The following STAT6 variants were observed in gnomAD, a reference collection of about 807,000 sequenced individuals.
STAT6 encodes the protein STAT, interleukin4-induced.
A neutral mutation model predicts 106.3 loss-of-function variants in STAT6; 45 were observed. That is an observed-to-expected ratio of 0.42 (90% CI 0.33 to 0.54). STAT6 has a LOEUF of 0.54. Among genes scored for constraint, STAT6 ranks in the 20% least tolerant of loss-of-function variants. The probability of loss-of-function intolerance (pLI) is 0.06; values close to 1 mark genes in which losing one functional copy is unlikely to be tolerated. For synonymous variants in STAT6, 413 were observed against 413.6 expected, an observed-to-expected ratio of 1.00 and a Z score of 0.02; for missense variants, 797 against 1,062.2, an observed-to-expected ratio of 0.75 and a Z score of 3.47.
In STAT6 at chr12:57,107,235, T is replaced by C; in HGVS notation, c.335A>G (p.Glu112Gly). ...ILQGEKKAVMEQFRHLPMPFH... is the reference protein window; with the variant it reads ...ILQGEKKAVMGQFRHLPMPFH... The stretch of plus-strand genomic sequence containing the variant: ...GGAGGTGGAATATCACAATACCTGT[T>C]CCATAACAGCTTTTTTCTCTCCTTG... The change falls in exon 4 of 22, where the codon GAA (glutamate) becomes GGA (glycine). Residue 112 changes from glutamate to glycine, a missense_variant. By Grantham distance (98) the Glu-to-Gly change is moderately conservative (BLOSUM62 -2). Transcript: ENST00000300134. The C allele has an allele frequency of 6.2e-7, 1 of 1,614,126 alleles. No individual in the cohort carries two copies. The highest frequency in any genetic ancestry group is 8.5e-7 in the Non-Finnish European group (1 of 1,179,974).
At chr12:57,107,545 A>G (rs536067846) in intron 3 of STAT6, 60 bp downstream of exon 3, 38 of 1,578,172 alleles carry the variant, frequency 2.4e-5, no homozygotes, top group South Asian at 3.4e-5. Context: ...CCAGGGCCCA[A>G]TGCTCAACCC....
rs762731806 is a variant in STAT6 at position 57,106,224 on chromosome 12, G to A, written c.647C>T (p.Pro216Leu). ...GAGTGGGGCCAGGCTCTCCTCAAACGGTGCGCCATTCCCTGCCAGCTGCTG... is the reference window on the plus strand; with the variant it reads ...GAGTGGGGCCAGGCTCTCCTCAAACAGTGCGCCATTCCCTGCCAGCTGCTG... ...RQQQLAGNGA[P>L]FEESLAPLQE... The change falls in exon 7 of 22, where the codon CCG becomes CTG. Residue 216 changes from proline (P) to leucine (L), a missense_variant. Physicochemically the swap from Pro to Leu is moderately conservative, Grantham distance 98. This residue lies in a region of STAT6 where 336 missense variants were observed against 429.8 expected (regional missense o/e 0.78). Coordinates refer to ENST00000300134, the MANE Select transcript of STAT6 (RefSeq NM_003153.5). 16 of 1,614,002 alleles carry A rather than the reference G, an allele frequency of 9.9e-6. No homozygotes were observed. Among genetic ancestry groups the A allele is most frequent in the Admixed American group, 1.7e-5 (1 of 60,000 alleles).
At position 57,096,487 on chromosome 12, in the gene STAT6, C is replaced by T. The variant is rs1435410534; in HGVS notation, c.*85G>A. The T allele has an allele frequency of 2.9e-6, 4 of 1,358,022 alleles. No individual in the cohort carries two copies. Among genetic ancestry groups the T allele is most frequent in the Non-Finnish European group, 2.0e-6 (2 of 998,128 alleles). 84.1% of individuals were successfully genotyped at this position (1,358,022 alleles called of 1,614,324 possible). A position where few individuals can be genotyped will look rare whatever the true frequency, so the allele number is the denominator to read the frequency against. ...AGGAGGGCACCCTCCCCATCTGCTG[C>T]TTGGCAGGGCATGAGCAAGTGTCCA... On this transcript the variant is annotated 3_prime_UTR_variant, in exon 22 of 22. Coordinates refer to ENST00000300134, the MANE Select transcript of STAT6 (RefSeq NM_003153.5).
At chr12:57,105,942 C>G (rs1190352886) in intron 7 of STAT6, 4 of 663,468 alleles carry the variant, frequency 6.0e-6, no homozygotes, top group South Asian at 4.2e-5. Context: ...TCCTATTCCT[C>G]TAGGCATGGG....
At position 57,104,780 on chromosome 12, in the gene STAT6, C is replaced by T. The variant is rs748608107; in HGVS notation, c.1035G>A (p.Val345=). The T allele has an allele frequency of 1.9e-6, 3 of 1,614,126 alleles. No individual in the cohort carries two copies. Among genetic ancestry groups the T allele is most frequent in the Middle Eastern group, 1.6e-4 (1 of 6,062 alleles). Residue 345 remains valine, a synonymous_variant, in exon 10 of 22, where the codon GTG becomes GTA. Transcript: ENST00000300134. The part of the protein sequence containing the change: ...ESTGEIINNT[V]PLENSIPGNC... ...TCCCAGGAATGCTGTTCTCCAAGGG[C>T]ACAGTGTTGTTGATGATTTCTCCAG... is the stretch of plus-strand genomic sequence containing the variant.
In STAT6 at chr12:57,099,211, A is replaced by ACAC; in HGVS notation, c.1891+82_1891+83insGTG. On this transcript the variant is annotated intron_variant, in intron 16 of 21. Transcript: ENST00000300134. This position sits in a 1 kb window ranked among gnomAD's most constrained non-coding sequence, Gnocchi z 4.7. ...AAATAGGGAGTGACATCAGGATGAC[A>ACAC]CGCGGGCAGGGAGAGGAGGGCAGCG... 6.2e-7 allele frequency: 1 copy of ACAC among 1,602,374 alleles called. No individual in the cohort carries two copies. Among genetic ancestry groups the ACAC allele is most frequent in the Non-Finnish European group, 8.5e-7 (1 of 1,170,338 alleles).
In STAT6 at chr12:57,099,969, C is replaced by T. The variant is rs776133037; in HGVS notation, c.1607+27G>A. 8.1e-6 allele frequency: 13 copies of T among 1,613,948 alleles called. No homozygotes were observed. The South Asian group carries it at 1.3e-4, about 16-fold the overall frequency. ...TATGGAGGTGACTGGTGTATGGCTG[C>T]TCAGACTACCCAGGGTGGGGACTCA... On this transcript the variant is annotated intron_variant, in intron 14 of 21. Coordinates refer to ENST00000300134, the MANE Select transcript of STAT6 (RefSeq NM_003153.5). This position sits in a 1 kb window ranked among gnomAD's most constrained non-coding sequence, Gnocchi z 4.7.
intron 1 of STAT6, among the ~76,000 whole-genome samples, chr12:57,108,594 G>T (rs1465036513): frequency 6.6e-6 from 1 of 152,236 alleles, no homozygotes; most frequent in African/African-American, 2.4e-5. Flanking sequence ...TTTAGTTGCA[G>T]CTCTAGACCT....
intron 13 of STAT6, 30 bp downstream of exon 13, chr12:57,102,260 G>A (rs1485135568): frequency 1.9e-6 from 3 of 1,611,938 alleles, no homozygotes; most frequent in East Asian, 2.2e-5. Context: ...AGAGCTTGGG[G>A]GTGGGAGGTC....
Position 57,104,375 on chromosome 12 carries a change from C to T in STAT6, c.1212+89G>A, listed in dbSNP as rs986895001. 3.9e-6 allele frequency: 6 copies of T among 1,519,656 alleles called. No individual in the cohort carries two copies. In the African/African-American group the frequency reaches 8.2e-5, roughly 21 times the overall value. The allele number at this position is 1,519,656 out of a possible 1,614,324, so 94.1% of individuals were successfully genotyped here. ...CCAGACACATGGGGTATGGGGCAGT[C>T]ACAAGAGGTGAGGGTCCAGGGCCCT... is the stretch of plus-strand genomic sequence containing the variant. On this transcript the variant is annotated intron_variant, in intron 11 of 21. Coordinates refer to ENST00000300134, the MANE Select transcript of STAT6 (RefSeq NM_003153.5).
chr12:57,105,802 C>T (rs764955564), intron 7 of STAT6: 22 of 912,882 alleles, frequency 2.4e-5, no homozygotes, highest in Non-Finnish European at 3.3e-5. Context: ...TTCTCAGTGC[C>T]TACACCCCCT....
Position 57,096,278 on chromosome 12 carries a change from T to TGC in STAT6, c.*292_*293dup, listed in dbSNP as rs2033418033. On this transcript the variant is annotated 3_prime_UTR_variant, in exon 22 of 22. Transcript: ENST00000300134. ...CCTCAGAGAGCTCTGTATGTGTGTGTGCGTGCGTGTGCGCGCTGCAGGTGC... is the reference window on the plus strand; with the variant it reads ...CCTCAGAGAGCTCTGTATGTGTGTGTGCGCGTGCGTGTGCGCGCTGCAGGTGC... 2.5e-6 allele frequency: 1 copy of TGC among 394,128 alleles called. No homozygotes were observed. Among genetic ancestry groups the TGC allele is most frequent in the Non-Finnish European group, 4.6e-6 (1 of 217,672 alleles). 24.4% of individuals were successfully genotyped at this position (394,128 alleles called of 1,614,324 possible). A position where few individuals can be genotyped will look rare whatever the true frequency, so the allele number is the denominator to read the frequency against.
At chr12:57,107,491 C>T in intron 3 of STAT6, 114 bp downstream of exon 3, 1 of 1,428,210 alleles carries the variant, frequency 7.0e-7, no homozygotes, top group Non-Finnish European at 9.6e-7. Flanking sequence ...TAGCAGTTAA[C>T]CACAGGAACA....
intron 20 of STAT6, 33 bp from the exon 21 acceptor site, chr12:57,097,011 C>T (rs752904751): frequency 4.9e-5 from 79 of 1,604,932 alleles, no homozygotes; most frequent in Middle Eastern, 3.3e-4. Context: ...ATAAGGAGAG[C>T]GGGGCAAGGC....
chr12:57,105,246 C>T lies in STAT6; in HGVS notation c.906G>A (p.Leu302=), dbSNP rs1196452948. ...CCAGCGGAGGCTTGGCTGGGGCCCC[C>T]AGGAACCTCAAGCCCAACAGGAATC... ...GVRFLLGLRF[L]GAPAKPPLVR... The change falls in exon 9 of 22, where the codon CTG becomes CTA. Residue 302 remains leucine (L), a synonymous_variant. Transcript: ENST00000300134. 1 of 1,614,108 alleles carries T rather than the reference C, an allele frequency of 6.2e-7. No individual in the cohort carries two copies. The highest frequency in any genetic ancestry group is 8.5e-7 in the Non-Finnish European group (1 of 1,179,994).
At chr12:57,100,171 G>A in intron 13 of STAT6, 81 bp from the exon 14 acceptor site, 2 of 1,215,782 alleles carry the variant, frequency 1.6e-6, no homozygotes, top group Non-Finnish European at 2.4e-6. Flanking sequence ...AGCTGTGAGT[G>A]CCCTCACGAC....
In STAT6 at chr12:57,099,332, T is replaced by C. The variant is rs752523348; in HGVS notation, c.1853A>G (p.Lys618Arg). The part of the protein sequence containing the change: ...DLAQLKNLYP[K>R]KPKDEAFRSH... ...CCGGAAAGCCTCATCCTTGGGCTTC[T>C]TGGGATAGAGATTTTTGAGCTGAGC... The change falls in exon 16 of 22, where the codon AAG becomes AGG. Residue 618 changes from lysine (K) to arginine (R), a missense_variant. By Grantham distance (26) the Lys-to-Arg change is conservative (BLOSUM62 2). Coordinates refer to ENST00000300134, the MANE Select transcript of STAT6 (RefSeq NM_003153.5). This position sits in a 1 kb window ranked among gnomAD's most constrained non-coding sequence, Gnocchi z 4.7. 1.9e-6 allele frequency: 3 copies of C among 1,614,184 alleles called. No homozygotes were observed. In the South Asian group the frequency reaches 3.3e-5, roughly 18 times the overall value.
At position 57,099,156 on chromosome 12, in the gene STAT6, T is replaced by G. The variant is rs1178227674; in HGVS notation, c.1892-78A>C. 3 of 1,601,466 alleles carry G rather than the reference T, an allele frequency of 1.9e-6. No individual in the cohort carries two copies. The highest frequency in any genetic ancestry group is 2.6e-6 in the Non-Finnish European group (3 of 1,170,060). On this transcript the variant is annotated intron_variant, in intron 16 of 21. Transcript: ENST00000300134. This position sits in a 1 kb window ranked among gnomAD's most constrained non-coding sequence, Gnocchi z 4.7. ...GGGAGGTGGAAAAGGTGGGCATGGA[T>G]CATGGGGAAGTAAGAGAAGCACAGC...
At chr12:57,097,889 C>CA (rs58220068) in intron 19 of STAT6, among the ~76,000 whole-genome samples, 17,079 of 145,200 alleles carry the variant, frequency 0.12, 974 homozygotes, top group East Asian at 0.17. Flanking sequence ...GACCCTGTCT[C>CA]AAAAAAAAAA....
Sources: allele counts gnomAD v4.1 joint callset (sites outside exome capture counted in the v4.1 genomes callset), GRCh38; gene constraint gnomAD v4.1.1; regional missense constraint gnomAD v4.1.1; non-coding constraint Gnocchi (gnomAD v3.1); transcripts MANE v1.5; gene names NCBI Gene and HGNC (gene_info 2026-07-23, HGNC 2026-07-21).